Variants in MARCHF4 observed in about 807,000 individuals in gnomAD.
MARCHF4 encodes the protein membrane associated ring-CH-type finger 4.
A neutral mutation model predicts 43.9 loss-of-function variants in MARCHF4; 14 were observed. The observed-to-expected ratio is 0.32, with a 90% CI of 0.21 to 0.50. The LOEUF (loss-of-function observed/expected upper bound fraction) is 0.50. MARCHF4 is among the 20% of genes least tolerant of loss of function. The probability of loss-of-function intolerance (pLI) is 0.98; values close to 1 mark genes in which losing one functional copy is unlikely to be tolerated. For synonymous variants in MARCHF4, 226 were observed against 213.3 expected (o/e 1.06, Z -0.52); for missense variants, 468 against 536.7 (o/e 0.87, Z 1.27).
chr2:216,320,615 C>CTTT (rs1364458875), intron 1 of MARCHF4, among the ~76,000 whole-genome samples: 1 of 39,678 alleles, frequency 2.5e-5, no homozygotes, highest in Non-Finnish European at 4.9e-5. Context: ...CTTTTTCTTT[C>CTTT]TTTCTTTCTT....
intron 1 of MARCHF4, among the ~76,000 whole-genome samples, chr2:216,298,400 G>A (rs367949680): frequency 5.3e-5 from 8 of 151,472 alleles, no homozygotes; most frequent in African/African-American, 1.9e-4. Flanking sequence ...TGGGTAGCTG[G>A]GACTACAGGT....
chr2:216,339,284 G>A (rs1236489112), intron 1 of MARCHF4, among the ~76,000 whole-genome samples: 2 of 152,166 alleles, frequency 1.3e-5, no homozygotes, highest in Non-Finnish European at 2.9e-5. Flanking sequence ...AGTGTTCAAT[G>A]GCCATGCCCT....
intron 3 of MARCHF4, among the ~76,000 whole-genome samples, chr2:216,263,730 C>T (rs1690797213): frequency 1.3e-5 from 2 of 152,088 alleles, no homozygotes; most frequent in South Asian, 4.1e-4. Flanking sequence ...AAAGAACAGC[C>T]GCCACCAGTG....
At chr2:216,312,316 C>A (rs1265809247) in intron 1 of MARCHF4, among the ~76,000 whole-genome samples, 2 of 152,296 alleles carry the variant, frequency 1.3e-5, no homozygotes, top group East Asian at 3.9e-4. Context: ...ATGTAATATT[C>A]CAAGGTGTAT....
chr2:216,354,116 A>G (rs1304837636), intron 1 of MARCHF4, among the ~76,000 whole-genome samples: 1 of 152,210 alleles, frequency 6.6e-6, no homozygotes, highest in Non-Finnish European at 1.5e-5. Flanking sequence ...GACCAACCAC[A>G]GAAAGGCTGG....
At chr2:216,332,152 A>G (rs529227377) in intron 1 of MARCHF4, among the ~76,000 whole-genome samples, 2 of 152,188 alleles carry the variant, frequency 1.3e-5, no homozygotes, top group Non-Finnish European at 2.9e-5. Flanking sequence ...GCACTTTGGG[A>G]GGCCAAGGCG....
intron 1 of MARCHF4, among the ~76,000 whole-genome samples, chr2:216,327,918 G>A (rs558472118): frequency 9.0e-5 from 13 of 144,226 alleles, no homozygotes; most frequent in African/African-American, 3.3e-4. Context: ...GCAGAAATTT[G>A]TATTTTTATG....
In MARCHF4 at chr2:216,277,882, G is replaced by T. The variant is rs368162425; in HGVS notation, c.673-18C>A. The T allele has an allele frequency of 4.4e-6, 7 of 1,593,854 alleles. No individual in the cohort carries two copies. In the East Asian group the frequency reaches 1.4e-4, roughly 31 times the overall value. On this transcript the variant is annotated intron_variant, in intron 2 of 3. Coordinates refer to ENST00000273067, the MANE Select transcript of MARCHF4 (RefSeq NM_020814.3). The stretch of plus-strand genomic sequence containing the variant: ...GCCTGCCACTGCAGGGGAGAGAGTG[G>T]CCAGTTAGCAGTTGCTTGGATGCCC...
chr2:216,324,813 C>G (rs199924970), intron 1 of MARCHF4, among the ~76,000 whole-genome samples: 1 of 91,168 alleles, frequency 1.1e-5, no homozygotes, highest in Non-Finnish European at 2.1e-5. Context: ...TGGGTCGTAT[C>G]TCAAAATAAT....
chr2:216,354,941 TTCTTTC>T (rs1692469478), intron 1 of MARCHF4, among the ~76,000 whole-genome samples: 2 of 141,356 alleles, frequency 1.4e-5, no homozygotes, highest in Non-Finnish European at 1.5e-5. Context: ...CTTTCTTTCT[TTCTTTC>T]TTTCTTTCTT....
At chr2:216,297,480 G>A (rs1368545286) in intron 1 of MARCHF4, among the ~76,000 whole-genome samples, 3 of 152,150 alleles carry the variant, frequency 2.0e-5, no homozygotes, top group Non-Finnish European at 2.9e-5. Flanking sequence ...CCGTCCAAAG[G>A]AGAGAGGCCA....
intron 3 of MARCHF4, among the ~76,000 whole-genome samples, chr2:216,269,555 T>C (rs1231626486): frequency 2.0e-5 from 3 of 152,226 alleles, no homozygotes; most frequent in Non-Finnish European, 4.4e-5. Context: ...ATCTAGGCTG[T>C]AGCTGCATTC....
intron 1 of MARCHF4, among the ~76,000 whole-genome samples, chr2:216,322,226 C>T (rs1247603574): frequency 6.6e-6 from 1 of 152,028 alleles, no homozygotes; most frequent in Non-Finnish European, 1.5e-5. Flanking sequence ...ACCAACTTAC[C>T]AGGAGATAAT....
In MARCHF4 at chr2:216,370,241, C is replaced by T. The variant is rs1401037082; in HGVS notation, c.20G>A (p.Gly7Glu). 33 of 1,605,570 alleles carry T rather than the reference C, an allele frequency of 2.1e-5. No individual in the cohort carries two copies. The highest frequency in any genetic ancestry group is 2.8e-5 in the Non-Finnish European group (33 of 1,174,210). Residue 7 changes from glycine (G) to glutamate (E), a missense_variant, in exon 1 of 4, where the codon GGG becomes GAG. Transcript: ENST00000273067. MLMPLC[G>E]LLWWWWCCCS... is the part of the protein sequence containing the mutation. ...GCAGCACCACCACCACCAGAGCAGC[C>T]CACACAGGGGCATCAGCATGTGCCC...
chr2:216,366,566 C>T (rs150751447), intron 1 of MARCHF4, among the ~76,000 whole-genome samples: 116 of 152,284 alleles, frequency 7.6e-4, no homozygotes, highest in African/African-American at 2.7e-3. Flanking sequence ...TTCACATTCA[C>T]GCTTTTGAAC....
intron 1 of MARCHF4, among the ~76,000 whole-genome samples, chr2:216,318,637 T>G (rs540495276): frequency 5.3e-5 from 8 of 152,178 alleles, no homozygotes; most frequent in African/African-American, 1.9e-4. Context: ...TCACAGGCCC[T>G]GAGGTAGGAG....
chr2:216,327,313 A>C (rs1200383084), intron 1 of MARCHF4, among the ~76,000 whole-genome samples: 1 of 152,116 alleles, frequency 6.6e-6, no homozygotes. Flanking sequence ...GCTGAATTAT[A>C]TTACAATATA....
At chr2:216,322,211 G>A (rs1315546404) in intron 1 of MARCHF4, among the ~76,000 whole-genome samples, 4 of 152,188 alleles carry the variant, frequency 2.6e-5, no homozygotes, top group Non-Finnish European at 5.9e-5. Flanking sequence ...AATGTGTTTA[G>A]CAGGACCAAC....
Position 216,370,333 on chromosome 2 carries a change from G to T in MARCHF4, c.-73C>A. 1 of 1,442,926 alleles carries T rather than the reference G, an allele frequency of 6.9e-7. No homozygotes were observed. Among genetic ancestry groups the T allele is most frequent in the Non-Finnish European group, 9.2e-7 (1 of 1,088,730 alleles). The allele number at this position is 1,442,926 out of a possible 1,614,324, so 89.4% of individuals were successfully genotyped here. A position where few individuals can be genotyped will look rare whatever the true frequency, so the allele number is the denominator to read the frequency against. On this transcript the variant is annotated 5_prime_UTR_variant, in exon 1 of 4. Coordinates refer to ENST00000273067, the MANE Select transcript of MARCHF4 (RefSeq NM_020814.3). ...AAGAGGGGGACAGGACAGGTTTTGG[G>T]GGTCCACAGTGGATCTGTGTTGTGG... is the stretch of plus-strand genomic sequence containing the variant.
Sources: gnomAD v4.1 joint callset for allele counts (sites outside exome capture counted in the v4.1 genomes callset) on GRCh38, gnomAD v4.1.1 for gene constraint, MANE v1.5 for transcripts, NCBI Gene and HGNC (gene_info 2026-07-23, HGNC 2026-07-21) for gene names.